TESMIN: variants seen among roughly 807,000 people sequenced by gnomAD.
TESMIN encodes CXC domain containing 2.
A neutral mutation model predicts 47.4 loss-of-function variants in TESMIN; 34 were observed. The observed-to-expected ratio is 0.72, with a 90% confidence interval of 0.55 to 0.96. The LOEUF (loss-of-function observed/expected upper bound fraction) is 0.96, where lower values mean the gene tolerates loss of function less well. Among genes scored for constraint, TESMIN ranks in the 40% least tolerant of loss-of-function variants. The pLI, the probability that TESMIN is intolerant of heterozygous loss-of-function variation, is 0.00. For missense variants in TESMIN, 610 were observed against 637.2 expected (o/e 0.96, Z 0.46); for synonymous variants, 278 against 258.9 (o/e 1.07, Z -0.71).
intron 6 of TESMIN, among the ~76,000 whole-genome samples, chr11:68,731,057 C>T (rs143149321): frequency 1.3e-5 from 2 of 152,178 alleles, no homozygotes; most frequent in East Asian, 1.9e-4. Flanking sequence ...GGAAGATGAA[C>T]GAGTAAAACG....
downstream of TESMIN, among the ~76,000 whole-genome samples, chr11:68,706,122 A>T (rs532121595): frequency 1.8e-4 from 28 of 152,078 alleles, no homozygotes; most frequent in Admixed American, 7.2e-4. Flanking sequence ...TTAAAATAGC[A>T]CTGGCTCTCC....
rs750009519 is a variant in TESMIN, at chr11:68,715,854, G to A, written c.1003C>T (p.Arg335Trp). 32 of 1,607,196 alleles carry A rather than the reference G, an allele frequency of 2.0e-5. No homozygotes were observed. The highest frequency in any genetic ancestry group is 1.1e-4 in the African/African-American group (8 of 74,850). The change falls in exon 7 of 10, where the codon CGG becomes TGG. Residue 335 changes from arginine to tryptophan, a missense_variant. By Grantham distance (101) the Arg-to-Trp change is moderately radical. Coordinates refer to ENST00000255087, the MANE Select transcript of TESMIN (RefSeq NM_004923.3). ...TTTATTACCTTAATGGCTTTAAACCGTTCAATATCATGATGCAAGTTGTTG... is the reference window on the plus strand; with the variant it reads ...TTTATTACCTTAATGGCTTTAAACCATTCAATATCATGATGCAAGTTGTTG... ...CCNNLHHDIE[R>W]FKAIKACLGR...
At chr11:68,724,263 C>A (rs981081592) in intron 6 of TESMIN, among the ~76,000 whole-genome samples, 1 of 152,126 alleles carries the variant, frequency 6.6e-6, no homozygotes. Context: ...AAGAGGAAAA[C>A]AATCTGATCA....
intron 3 of TESMIN, 34 bp downstream of exon 3, chr11:68,747,174 T>C (rs1333094141): frequency 6.3e-7 from 1 of 1,598,578 alleles, no homozygotes; most frequent in Non-Finnish European, 8.6e-7. Flanking sequence ...TTTAGTATAA[T>C]GTTAGTCCTA....
intron 6 of TESMIN, chr11:68,738,259 C>T: frequency 2.0e-6 from 2 of 996,842 alleles, no homozygotes; most frequent in Non-Finnish European, 2.4e-6. Context: ...GAGCTCGAGC[C>T]AACTCAGCAT....
At chr11:68,744,454 T>A (rs2153993005) in intron 4 of TESMIN, among the ~76,000 whole-genome samples, 1 of 152,360 alleles carries the variant, frequency 6.6e-6, no homozygotes, top group Middle Eastern at 3.4e-3. Context: ...TTCTTATTAT[T>A]GTGCCAGGTT....
intron 6 of TESMIN, among the ~76,000 whole-genome samples, chr11:68,726,717 T>C (rs1946268302): frequency 1.3e-5 from 2 of 152,102 alleles, no homozygotes; most frequent in African/African-American, 4.8e-5. Context: ...ATAATTAATC[T>C]AGTTAATTAG....
intron 9 of TESMIN, among the ~76,000 whole-genome samples, chr11:68,709,894 G>A (rs572188593): frequency 3.3e-4 from 51 of 152,348 alleles, no homozygotes; most frequent in African/African-American, 1.2e-3. Flanking sequence ...GGTCAGCTGG[G>A]TGCGGTGGCT....
chr11:68,706,548 C>T (rs1349432034), downstream of TESMIN, among the ~76,000 whole-genome samples: 1 of 152,214 alleles, frequency 6.6e-6, no homozygotes, highest in African/African-American at 2.4e-5. Context: ...GTTCCCTTTT[C>T]CTCCCTCCAC....
At chr11:68,738,299 G>A in intron 6 of TESMIN, 1 of 1,003,176 alleles carries the variant, frequency 1.0e-6, no homozygotes. Flanking sequence ...CAGCTGGAGG[G>A]CACTCTGCAG....
At chr11:68,749,185 C>A (rs959324882) in intron 2 of TESMIN, among the ~76,000 whole-genome samples, 24 of 152,354 alleles carry the variant, frequency 1.6e-4, no homozygotes, top group Admixed American at 1.0e-3. Flanking sequence ...TCCTGGGAAA[C>A]GGCTGGGGGA....
Position 68,745,013 on chromosome 11 carries a change from A to T in TESMIN, c.729T>A (p.Asp243Glu), listed in dbSNP as rs1230007590. 6.3e-7 allele frequency: 1 copy of T among 1,575,254 alleles called. No homozygotes were observed. The change falls in exon 4 of 10, where the codon GAT becomes GAA. Residue 243 changes from aspartate to glutamate, a missense_variant. Asp to Glu is a conservative substitution (Grantham distance 45). Coordinates refer to ENST00000255087, the MANE Select transcript of TESMIN (RefSeq NM_004923.3). ...TACCTGACTGTAGATAATTATTTTG[A>T]TCTTGATACTGAGGAACCAAATGGA... ...KALHLVPQYQ[D>E]QNNYLQSDVP...
intron 9 of TESMIN, among the ~76,000 whole-genome samples, chr11:68,710,048 C>T (rs977464553): frequency 9.9e-5 from 15 of 152,144 alleles, no homozygotes; most frequent in African/African-American, 3.1e-4. Context: ...GTCCCAGCTA[C>T]TCAGGAGGCT....
At chr11:68,725,669 C>T (rs774716649) in intron 6 of TESMIN, among the ~76,000 whole-genome samples, 4 of 152,076 alleles carry the variant, frequency 2.6e-5, no homozygotes, top group Middle Eastern at 3.4e-3. Context: ...AACGGGTTCT[C>T]ACTATGTTGT....
intron 6 of TESMIN, among the ~76,000 whole-genome samples, chr11:68,717,191 T>C (rs1358899760): frequency 6.6e-6 from 1 of 152,238 alleles, no homozygotes; most frequent in East Asian, 1.9e-4. Flanking sequence ...AATATTTTAA[T>C]GTCAAGTCAA....
At chr11:68,725,456 A>G (rs778528217) in intron 6 of TESMIN, among the ~76,000 whole-genome samples, 6 of 152,150 alleles carry the variant, frequency 3.9e-5, no homozygotes, top group African/African-American at 9.7e-5. Context: ...GACTGCCTCA[A>G]TGCTGGCACA....
At position 68,750,520 on chromosome 11, in the gene TESMIN, G is replaced by A. The variant is rs1432025210; in HGVS notation, c.141C>T (p.His47=). 1.2e-6 allele frequency: 2 copies of A among 1,604,520 alleles called. No individual in the cohort carries two copies. Among genetic ancestry groups the A allele is most frequent in the Non-Finnish European group, 8.5e-7 (1 of 1,176,260 alleles). Residue 47 remains histidine, a synonymous_variant, in exon 2 of 10, where the codon CAC becomes CAT. Transcript: ENST00000255087. ...APVKYEEDEF[H]VFKEAYLGPA... Reference sequence around the variant, plus strand: ...GGCCCAGGTACGCTTCTTTGAAGACGTGGAACTCGTCCTCCTCGTACTTCA... The same window carrying A: ...GGCCCAGGTACGCTTCTTTGAAGACATGGAACTCGTCCTCCTCGTACTTCA...
At chr11:68,739,686 G>A (rs1399596966) in intron 5 of TESMIN, among the ~76,000 whole-genome samples, 1 of 152,084 alleles carries the variant, frequency 6.6e-6, no homozygotes, top group Admixed American at 6.6e-5. Context: ...AGCCTCCTGG[G>A]TCCCACTGCC....
At chr11:68,709,612 T>G (rs1946038981) in intron 9 of TESMIN, among the ~76,000 whole-genome samples, 1 of 152,096 alleles carries the variant, frequency 6.6e-6, no homozygotes, top group Non-Finnish European at 1.5e-5. Context: ...TATAAAACAT[T>G]AAAAAGTGTT....
Sources: allele counts gnomAD v4.1 joint callset (sites outside exome capture counted in the v4.1 genomes callset), GRCh38; gene constraint gnomAD v4.1.1; transcripts MANE v1.5; gene names NCBI Gene and HGNC (gene_info 2026-07-23, HGNC 2026-07-21).